The following NPSR1 variants were observed in gnomAD, a reference collection of about 807,000 sequenced individuals.
NPSR1 encodes neuropeptide S receptor 1.
A neutral mutation model predicts 46.9 loss-of-function variants in NPSR1; 48 were observed. The ratio of observed to expected loss-of-function variants is 1.02; its 90% CI spans 0.81 to 1.30. The LOEUF is 1.30. Ranked by LOEUF, NPSR1 falls within the 50% of genes most tolerant of loss-of-function variation. NPSR1 has a pLI of 0.00. For missense variants in NPSR1, 450 were observed against 449.5 expected, an observed-to-expected ratio of 1.00 and a Z score of -0.01; for synonymous variants, 176 against 168.1, an observed-to-expected ratio of 1.05 and a Z score of -0.36.
Position 34,827,430 on chromosome 7 carries a change from G to C in NPSR1, c.508G>C (p.Ala170Pro), listed in dbSNP as rs766192701. ...EKQARVLIVI[A>P]WSLSFLFSIP... ...GCAAGCCAGGGTCCTCATTGTGATC[G>C]CCTGGAGCCTGTCTTTTCTGTTCTC... Residue 170 changes from alanine to proline, a missense_variant, in exon 5 of 9, where the codon GCC becomes CCC. By Grantham distance (27) the Ala-to-Pro change is conservative (BLOSUM62 -1). Coordinates refer to ENST00000360581, the MANE Select transcript of NPSR1 (RefSeq NM_207172.2). The C allele has an allele frequency of 6.2e-7, 1 of 1,613,990 alleles. No individual in the cohort carries two copies. Among genetic ancestry groups the C allele is most frequent in the Middle Eastern group, 1.7e-4 (1 of 6,058 alleles).
intron 8 of NPSR1, among the ~76,000 whole-genome samples, chr7:34,865,285 A>G (rs771904615): frequency 6.6e-6 from 1 of 151,764 alleles, no homozygotes; most frequent in African/African-American, 2.4e-5. Flanking sequence ...TGCCTGATAC[A>G]CCCACAAAAT....
At position 34,678,718 on chromosome 7, in the gene NPSR1, CG is replaced by C. The variant is rs1454933552; in HGVS notation, c.148-5831del. Among the ~76,000 whole-genome samples the C allele has an allele frequency of 7.8e-4, 118 of 151,462 alleles. 1 individual carries two copies. Among genetic ancestry groups the C allele is most frequent in the African/African-American group, 2.8e-3 (114 of 41,190 alleles). ...GTGGTTGCCTGCAGTCCCATCTACT[CG>C]GGAGGCTGAGGCAGGAGAATGGCGT... On this transcript the variant is annotated intron_variant, in intron 1 of 8. Transcript: ENST00000360581.
intron 2 of NPSR1, among the ~76,000 whole-genome samples, chr7:34,738,522 T>C (rs1784788757): frequency 6.6e-6 from 1 of 152,202 alleles, no homozygotes; most frequent in Admixed American, 6.5e-5. Flanking sequence ...ACTGTACCTA[T>C]AGTTGAATGT....
At chr7:34,764,522 A>G (rs1312958686) in intron 2 of NPSR1, among the ~76,000 whole-genome samples, 1 of 152,196 alleles carries the variant, frequency 6.6e-6, no homozygotes, top group African/African-American at 2.4e-5. Flanking sequence ...AGTAGCTGTT[A>G]CAGAGACTAT....
chr7:34,756,609 C>T (rs1319120244), intron 2 of NPSR1, among the ~76,000 whole-genome samples: 1 of 152,174 alleles, frequency 6.6e-6, no homozygotes, highest in Non-Finnish European at 1.5e-5. Flanking sequence ...TCTTTTATGG[C>T]ACAGATATTT....
intron 2 of NPSR1, among the ~76,000 whole-genome samples, chr7:34,731,324 C>T (rs1395038202): frequency 2.0e-5 from 3 of 151,960 alleles, no homozygotes; most frequent in Non-Finnish European, 4.4e-5. Context: ...ACCAGTAAAC[C>T]TGTTTTAAAT....
chr7:34,842,155 T>A (rs1322903478), intron 6 of NPSR1, among the ~76,000 whole-genome samples: 1 of 152,240 alleles, frequency 6.6e-6, no homozygotes, highest in Non-Finnish European at 1.5e-5. Context: ...TTTATGTTAA[T>A]CTTCAAAGTA....
At chr7:34,803,515 A>C (rs1020899259) in intron 3 of NPSR1, among the ~76,000 whole-genome samples, 1 of 152,074 alleles carries the variant, frequency 6.6e-6, no homozygotes, top group African/African-American at 2.4e-5. Flanking sequence ...GGAATTGGAC[A>C]ATGAGAACAC....
intron 3 of NPSR1, among the ~76,000 whole-genome samples, chr7:34,793,162 G>A (rs929230220): frequency 6.6e-6 from 1 of 151,694 alleles, no homozygotes; most frequent in African/African-American, 2.4e-5. Context: ...CCCCCATCTA[G>A]GAAAACAAAA....
At chr7:34,693,157 C>T (rs1359914774) in intron 2 of NPSR1, among the ~76,000 whole-genome samples, 1 of 152,078 alleles carries the variant, frequency 6.6e-6, no homozygotes, top group Non-Finnish European at 1.5e-5. Flanking sequence ...TGATTGTAAG[C>T]TTCCTGAGCC....
chr7:34,710,032 G>T (rs749491992), intron 2 of NPSR1, among the ~76,000 whole-genome samples: 1 of 152,182 alleles, frequency 6.6e-6, no homozygotes, highest in Non-Finnish European at 1.5e-5. Context: ...GCAAGCTCCT[G>T]CAAAACACCT....
intron 2 of NPSR1, among the ~76,000 whole-genome samples, chr7:34,752,505 C>G (rs1785590758): frequency 6.6e-6 from 1 of 152,136 alleles, no homozygotes; most frequent in Non-Finnish European, 1.5e-5. Flanking sequence ...TCTTGATGGG[C>G]TTTTGTTACA....
chr7:34,863,173 G>A (rs747175631), intron 8 of NPSR1, among the ~76,000 whole-genome samples: 4 of 151,786 alleles, frequency 2.6e-5, no homozygotes, highest in African/African-American at 4.9e-5. Flanking sequence ...AAATAGGCTA[G>A]CCATATGCAG....
At chr7:34,872,258 G>T (rs1791474557) in intron 8 of NPSR1, among the ~76,000 whole-genome samples, 1 of 151,990 alleles carries the variant, frequency 6.6e-6, no homozygotes, top group Non-Finnish European at 1.5e-5. Flanking sequence ...AGCCAGAGTG[G>T]CCAGGATGCA....
At chr7:34,740,176 G>A (rs772366250) in intron 2 of NPSR1, among the ~76,000 whole-genome samples, 18 of 151,870 alleles carry the variant, frequency 1.2e-4, no homozygotes, top group Non-Finnish European at 2.5e-4. Context: ...ACATTGTCAG[G>A]GAAGTTGGGG....
intron 2 of NPSR1, among the ~76,000 whole-genome samples, chr7:34,763,644 T>C (rs182558864): frequency 4.6e-5 from 7 of 152,288 alleles, no homozygotes; most frequent in Admixed American, 3.3e-4. Context: ...AACCTTGAAT[T>C]AAACCTTGAG....
At chr7:34,681,496 T>G (rs2128681920) in intron 1 of NPSR1, among the ~76,000 whole-genome samples, 1 of 152,302 alleles carries the variant, frequency 6.6e-6, no homozygotes, top group African/African-American at 2.4e-5. Context: ...ATTCAGTTTC[T>G]TCTCCCACGT....
At chr7:34,792,560 CAT>C (rs538063783) in intron 3 of NPSR1, among the ~76,000 whole-genome samples, 7,775 of 115,564 alleles carry the variant, frequency 0.067, 538 homozygotes, top group African/African-American at 0.2. Flanking sequence ...TATATATGTA[CAT>C]ATATATATAT....
At chr7:34,814,146 C>T (rs1053492493) in intron 4 of NPSR1, among the ~76,000 whole-genome samples, 1 of 152,220 alleles carries the variant, frequency 6.6e-6, no homozygotes, top group Non-Finnish European at 1.5e-5. Flanking sequence ...GGGGATGTCC[C>T]TTTCCTAGCC....
Sources: gnomAD v4.1 joint callset for allele counts (sites outside exome capture counted in the v4.1 genomes callset) on GRCh38, gnomAD v4.1.1 for gene constraint, MANE v1.5 for transcripts, NCBI Gene and HGNC (gene_info 2026-07-23, HGNC 2026-07-21) for gene names.